IGF2BP3: variants seen among roughly 807,000 people sequenced by gnomAD.
IGF2BP3 encodes insulin like growth factor 2 mRNA binding protein 3.
IGF2BP3 carries 9 observed loss-of-function variants against 73.8 expected under a neutral mutation model. That is an observed-to-expected ratio of 0.12 (90% confidence interval 0.07 to 0.21). The LOEUF (loss-of-function observed/expected upper bound fraction) is 0.21. Among genes scored for constraint, IGF2BP3 ranks in the 10% least tolerant of loss-of-function variants. The probability of loss-of-function intolerance (pLI) is 1.00; values close to 1 mark genes in which losing one functional copy is unlikely to be tolerated. For missense variants in IGF2BP3, 542 were observed against 714.0 expected (o/e 0.76, Z 2.75); for synonymous variants, 258 against 256.7 (o/e 1.01, Z -0.05).
At chr7:23,406,345 A>C (rs892687864) in intron 3 of IGF2BP3, among the ~76,000 whole-genome samples, 1 of 152,002 alleles carries the variant, frequency 6.6e-6, no homozygotes, top group Non-Finnish European at 1.5e-5. Context: ...CAAAATACTA[A>C]TCAAATTGTG....
intron 3 of IGF2BP3, among the ~76,000 whole-genome samples, chr7:23,398,439 G>T (rs2128524327): frequency 6.6e-6 from 1 of 152,264 alleles, no homozygotes; most frequent in East Asian, 1.9e-4. Context: ...GTAATGGGAT[G>T]GCTGGGTCAA....
At chr7:23,445,865 AC>A (rs1213120394) in intron 2 of IGF2BP3, among the ~76,000 whole-genome samples, 1 of 152,200 alleles carries the variant, frequency 6.6e-6, no homozygotes, top group Non-Finnish European at 1.5e-5. Context: ...ATGAAGAATG[AC>A]CTTATTTCCA....
rs1456900835 is a variant in IGF2BP3 at position 23,310,773 on chromosome 7, TAAG to T, written c.*1586_*1588del. 6.6e-6 allele frequency: 1 copy of T among 151,316 alleles called. No homozygotes were observed. The highest frequency in any genetic ancestry group is 1.5e-5 in the Non-Finnish European group (1 of 68,010). 9.4% of individuals were successfully genotyped at this position (151,316 alleles called of 1,614,324 possible). On this transcript the variant is annotated 3_prime_UTR_variant, in exon 15 of 15. Transcript: ENST00000258729. Reference sequence around the variant, plus strand: ...GTCTGTATAGAAATTCATCTTGAAATAAGAATGAGGCAGTGATTTTTTTTTTAA... The same window carrying T: ...GTCTGTATAGAAATTCATCTTGAAATAATGAGGCAGTGATTTTTTTTTTAA...
rs1419645758 is a variant in IGF2BP3 at position 23,319,233 on chromosome 7, G to C, written c.1225C>G (p.His409Asp). Residue 409 changes from histidine (H) to aspartate (D), a missense_variant, in exon 11 of 15, where the codon CAT becomes GAT. His to Asp is a moderately conservative substitution (Grantham distance 81). Transcript: ENST00000258729. ...ACTGATAGAGCTGGGATAAACAGAT[G>C]AACAGTCTCCGTTTCTGATTGCTGT... The part of the protein sequence containing the change: ...QFEQSETETV[H>D]LFIPALSVGA... 3 of 1,611,424 alleles carry C rather than the reference G, an allele frequency of 1.9e-6. No individual in the cohort carries two copies. Among genetic ancestry groups the C allele is most frequent in the African/African-American group, 2.7e-5 (2 of 74,794 alleles).
intron 2 of IGF2BP3, chr7:23,431,272 A>G (rs1174433382): frequency 6.6e-6 from 1 of 152,198 alleles, no homozygotes; most frequent in Admixed American, 6.5e-5. Flanking sequence ...AAAATAAGCT[A>G]TTGTTTCTAG....
intron 2 of IGF2BP3, among the ~76,000 whole-genome samples, chr7:23,421,100 C>A (rs1252783715): frequency 6.6e-6 from 1 of 152,156 alleles, no homozygotes; most frequent in East Asian, 1.9e-4. Flanking sequence ...GCCTCTGCCT[C>A]CCGGGTTCAG....
chr7:23,369,433 G>A (rs978971694), intron 3 of IGF2BP3, among the ~76,000 whole-genome samples: 5 of 152,072 alleles, frequency 3.3e-5, no homozygotes, highest in Admixed American at 6.6e-5. Context: ...CCCCAGCTGG[G>A]GGAGACAGAT....
intron 5 of IGF2BP3, among the ~76,000 whole-genome samples, chr7:23,358,326 A>C (rs1785145973): frequency 6.6e-6 from 1 of 152,220 alleles, no homozygotes; most frequent in Non-Finnish European, 1.5e-5. Flanking sequence ...TTACAAAGAG[A>C]AAACTGAGAA....
At chr7:23,397,605 G>C (rs142461909) in intron 3 of IGF2BP3, among the ~76,000 whole-genome samples, 1 of 152,116 alleles carries the variant, frequency 6.6e-6, no homozygotes, top group African/African-American at 2.4e-5. Flanking sequence ...CTCATAATAG[G>C]AATGCTGCAT....
chr7:23,441,125 T>C (rs536201753), intron 2 of IGF2BP3, among the ~76,000 whole-genome samples: 196 of 152,166 alleles, frequency 1.3e-3, no homozygotes, highest in Non-Finnish European at 2.5e-3. Context: ...TTCAGAGTCA[T>C]GACAGTTATG....
intron 3 of IGF2BP3, among the ~76,000 whole-genome samples, chr7:23,412,411 AG>A (rs1267984718): frequency 6.6e-6 from 1 of 152,252 alleles, no homozygotes; most frequent in Non-Finnish European, 1.5e-5. Flanking sequence ...AGTAAAACCA[AG>A]AAACGTTCTG....
At chr7:23,342,582 C>G (rs1356916019) in intron 9 of IGF2BP3, among the ~76,000 whole-genome samples, 7 of 152,064 alleles carry the variant, frequency 4.6e-5, no homozygotes, top group African/African-American at 1.7e-4. Flanking sequence ...AAAAGCAAAC[C>G]AGCTATTAAG....
intron 2 of IGF2BP3, among the ~76,000 whole-genome samples, chr7:23,455,694 A>G (rs374864156): frequency 6.6e-6 from 1 of 151,602 alleles, no homozygotes; most frequent in Non-Finnish European, 1.5e-5. Flanking sequence ...GGGTCTTACT[A>G]TTTTTTTTGG....
At chr7:23,332,938 A>G (rs1017482263) in intron 10 of IGF2BP3, among the ~76,000 whole-genome samples, 5 of 152,350 alleles carry the variant, frequency 3.3e-5, no homozygotes, top group South Asian at 4.1e-4. Flanking sequence ...TCTGAACAAT[A>G]TACTTGGGGG....
At chr7:23,451,586 C>T (rs748916554) in intron 2 of IGF2BP3, among the ~76,000 whole-genome samples, 2 of 151,342 alleles carry the variant, frequency 1.3e-5, no homozygotes, top group African/African-American at 2.4e-5. Flanking sequence ...AACAGCTAAC[C>T]TCCATCTCAA....
intron 5 of IGF2BP3, among the ~76,000 whole-genome samples, chr7:23,354,585 C>T (rs1212525791): frequency 6.6e-6 from 1 of 152,180 alleles, no homozygotes; most frequent in African/African-American, 2.4e-5. Context: ...CCAGATGCTT[C>T]TATATTCTAG....
At chr7:23,317,951 C>G (rs1457469463) in intron 11 of IGF2BP3, 1 of 537,048 alleles carries the variant, frequency 1.9e-6, no homozygotes, top group Non-Finnish European at 3.4e-6. Context: ...TGTCTCTCAG[C>G]TAATCCTCAC....
chr7:23,380,048 TAA>T (rs1686382256), intron 3 of IGF2BP3, among the ~76,000 whole-genome samples: 1 of 151,986 alleles, frequency 6.6e-6, no homozygotes, highest in South Asian at 2.1e-4. Context: ...GTAATGTCTT[TAA>T]ATATAAAAAG....
chr7:23,449,930 T>A (rs1161085616), intron 2 of IGF2BP3, among the ~76,000 whole-genome samples: 1 of 152,132 alleles, frequency 6.6e-6, no homozygotes, highest in African/African-American at 2.4e-5. Flanking sequence ...GTATAAGGAA[T>A]CCCTGACACA....
Sources: gnomAD v4.1 joint callset for allele counts (sites outside exome capture counted in the v4.1 genomes callset) on GRCh38, gnomAD v4.1.1 for gene constraint, MANE v1.5 for transcripts, NCBI Gene and HGNC (gene_info 2026-07-23, HGNC 2026-07-21) for gene names.